Variants in ATP9B observed in about 807,000 individuals in gnomAD.
ATP9B encodes ATPase phospholipid transporting 9B.
Under a neutral mutation model 146.1 loss-of-function variants are expected in ATP9B, and 110 were observed. The ratio of observed to expected loss-of-function variants is 0.75; its 90% CI spans 0.65 to 0.88. The LOEUF is 0.88. Ranked by LOEUF, ATP9B falls within the 40% of genes least tolerant of loss-of-function variation. The probability of loss-of-function intolerance (pLI) is 0.00; values close to 1 mark genes in which losing one functional copy is unlikely to be tolerated. For missense variants in ATP9B, 1,499 were observed against 1,496.4 expected (o/e 1.00, Z -0.03); for synonymous variants, 604 against 569.7 (o/e 1.06, Z -0.86).
At chr18:79,306,499 TA>T (rs1220521031) in intron 14 of ATP9B, among the ~76,000 whole-genome samples, 6 of 152,240 alleles carry the variant, frequency 3.9e-5, no homozygotes, top group Non-Finnish European at 8.8e-5. Flanking sequence ...CTAGACTGTC[TA>T]AACTCAGAGA....
At chr18:79,279,493 A>G (rs190349504) in intron 13 of ATP9B, among the ~76,000 whole-genome samples, 6 of 152,378 alleles carry the variant, frequency 3.9e-5, no homozygotes, top group Non-Finnish European at 7.3e-5. Context: ...AAACAAATTC[A>G]TAGAAAAAGC....
At chr18:79,363,879 G>A (rs1049062151) in intron 26 of ATP9B, 9 of 151,836 alleles carry the variant, frequency 5.9e-5, no homozygotes, top group Non-Finnish European at 1.3e-4. Flanking sequence ...GATGTTCATG[G>A]ATTGAGAGCC....
chr18:79,215,125 G>A (rs1294996081), intron 11 of ATP9B, among the ~76,000 whole-genome samples: 1 of 136,844 alleles, frequency 7.3e-6, no homozygotes, highest in Admixed American at 7.9e-5. Context: ...TCCAGCCTGG[G>A]CAACAGGGTG....
chr18:79,199,284 C>T (rs1039790132), intron 9 of ATP9B, among the ~76,000 whole-genome samples: 11 of 152,038 alleles, frequency 7.2e-5, no homozygotes, highest in Admixed American at 5.9e-4. Flanking sequence ...AAGTAAATTA[C>T]ACAAAGTAAT....
At chr18:79,202,655 T>C (rs765135303) in intron 9 of ATP9B, among the ~76,000 whole-genome samples, 9 of 152,236 alleles carry the variant, frequency 5.9e-5, no homozygotes, top group Non-Finnish European at 1.3e-4. Context: ...CTTCCCAGTC[T>C]TTATTCTGTG....
At chr18:79,337,940 C>A (rs1411651427) in intron 19 of ATP9B, among the ~76,000 whole-genome samples, 1 of 152,204 alleles carries the variant, frequency 6.6e-6, no homozygotes, top group Non-Finnish European at 1.5e-5. Flanking sequence ...TGGCCTCCTC[C>A]TGCAGGGGTC....
chr18:79,245,846 TGCG>T (rs2095948679), intron 11 of ATP9B, among the ~76,000 whole-genome samples: 17 of 140,552 alleles, frequency 1.2e-4, no homozygotes, highest in South Asian at 2.3e-4. Context: ...CCCTACTGAC[TGCG>T]GAGGGCACCG....
At chr18:79,375,173 T>G (rs1317729490) in intron 28 of ATP9B, among the ~76,000 whole-genome samples, 1 of 152,242 alleles carries the variant, frequency 6.6e-6, no homozygotes, top group Non-Finnish European at 1.5e-5. Context: ...GGTGTGTGCT[T>G]CTCAGACACA....
At chr18:79,250,586 C>T (rs1393681616) in intron 11 of ATP9B, among the ~76,000 whole-genome samples, 1 of 152,128 alleles carries the variant, frequency 6.6e-6, no homozygotes, top group Non-Finnish European at 1.5e-5. Flanking sequence ...TCATTTTAAT[C>T]CAAAAACCTA....
chr18:79,199,109 G>A (rs988174443), intron 9 of ATP9B, among the ~76,000 whole-genome samples: 1 of 151,888 alleles, frequency 6.6e-6, no homozygotes, highest in African/African-American at 2.4e-5. Context: ...GCACTGCCAC[G>A]CCGGGCTAAT....
intron 2 of ATP9B, among the ~76,000 whole-genome samples, chr18:79,109,408 C>T (rs1599612615): frequency 6.6e-6 from 1 of 152,008 alleles, no homozygotes; most frequent in Non-Finnish European, 1.5e-5. Context: ...GAGTTGTGCT[C>T]CTGAAACCCA....
rs190836173 is a variant in ATP9B at position 79,157,165 on chromosome 18, A to G, written c.778+2610A>G. Among the ~76,000 whole-genome samples the G allele has an allele frequency of 2.6e-5, 4 of 151,744 alleles. No individual in the cohort carries two copies. The East Asian group carries it at 7.8e-4, about 29-fold the overall frequency. On this transcript the variant is annotated intron_variant, in intron 7 of 29. Transcript: ENST00000426216. ...CACTTGAGGTCAGGAGTTTGAGACTAGCCTTGCCAACATGGCAAAACCCCG... is the reference window on the plus strand; with the variant it reads ...CACTTGAGGTCAGGAGTTTGAGACTGGCCTTGCCAACATGGCAAAACCCCG...
intron 6 of ATP9B, among the ~76,000 whole-genome samples, chr18:79,150,494 G>A (rs2147563777): frequency 6.6e-6 from 1 of 152,294 alleles, no homozygotes; most frequent in Admixed American, 6.5e-5. Context: ...GGTCAGAGAA[G>A]TAGCTGTGCG....
At chr18:79,329,450 T>G in intron 16 of ATP9B, 148 bp downstream of exon 16, 2 of 954,614 alleles carry the variant, frequency 2.1e-6, no homozygotes, top group South Asian at 2.6e-5. Flanking sequence ...TTTAATGAAA[T>G]CTAAGCTAAT....
chr18:79,344,127 C>A, intron 20 of ATP9B, 138 bp from the exon 21 acceptor site: 1 of 778,018 alleles, frequency 1.3e-6, no homozygotes, highest in South Asian at 1.7e-5. Flanking sequence ...TCTTCCGGGT[C>A]CAAATACTAA....
intron 1 of ATP9B, among the ~76,000 whole-genome samples, chr18:79,093,096 C>A (rs1344841685): frequency 6.6e-6 from 1 of 152,146 alleles, no homozygotes; most frequent in Non-Finnish European, 1.5e-5. Flanking sequence ...TGTGATGTCA[C>A]TAGGTGTTAG....
chr18:79,170,465 A>G (rs1600135696), intron 7 of ATP9B, among the ~76,000 whole-genome samples: 2 of 152,194 alleles, frequency 1.3e-5, no homozygotes, highest in Admixed American at 1.3e-4. Context: ...GCAAACACCA[A>G]ATGTTTGAGT....
chr18:79,217,190 T>G (rs978192216), intron 11 of ATP9B, among the ~76,000 whole-genome samples: 3 of 152,210 alleles, frequency 2.0e-5, no homozygotes, highest in Non-Finnish European at 4.4e-5. Flanking sequence ...GTTTATTTAT[T>G]TATTTATTTT....
At chr18:79,087,669 A>G (rs778504952) in intron 1 of ATP9B, 1 of 152,234 alleles carries the variant, frequency 6.6e-6, no homozygotes, top group Non-Finnish European at 1.5e-5. Context: ...TTAGATATTT[A>G]AGATAAAATG....
Sources: gnomAD v4.1 joint callset for allele counts (sites outside exome capture counted in the v4.1 genomes callset) on GRCh38, gnomAD v4.1.1 for gene constraint, MANE v1.5 for transcripts, NCBI Gene and HGNC (gene_info 2026-07-23, HGNC 2026-07-21) for gene names.